STARD8: variants seen among roughly 807,000 people sequenced by gnomAD.
The protein encoded by STARD8 is StAR related lipid transfer domain containing 8, also known as stAR-related lipid transfer protein 8.
A neutral mutation model predicts 69.4 loss-of-function variants in STARD8; 25 were observed. The observed-to-expected ratio is 0.36, with a 90% CI of 0.26 to 0.50. The LOEUF is 0.50. Among genes scored for constraint, STARD8 ranks in the 20% least tolerant of loss-of-function variants. The pLI is 0.96. For synonymous variants in STARD8, 389 were observed against 374.6 expected (o/e 1.04, Z -0.45); for missense variants, 921 against 932.5 (o/e 0.99, Z 0.16).
intron 2 of STARD8, among the ~76,000 whole-genome samples, chrX:68,668,057 T>TTTTCTTTCTTTCTTTCTTTCTTTC (rs1200805148): frequency 2.8e-5 from 2 of 71,566 alleles, no homozygotes; most frequent in Non-Finnish European, 5.3e-5. Flanking sequence ...TCTCTCTTTC[T>TTTTCTTTCTTTCTTTCTTTCTTTC]TTTCTTTCTT....
intron 1 of STARD8, among the ~76,000 whole-genome samples, chrX:68,664,343 C>A (rs1029996482): frequency 8.9e-6 from 1 of 112,011 alleles, no homozygotes; most frequent in Non-Finnish European, 1.9e-5. Flanking sequence ...CCCACTTCCA[C>A]CCTGGCTCTA....
intron 2 of STARD8, among the ~76,000 whole-genome samples, chrX:68,700,822 AGTGCTGGG>A (rs1007197689): frequency 9.8e-5 from 11 of 112,479 alleles, no homozygotes; most frequent in Non-Finnish European, 5.6e-5. Context: ...TCATGTTCAC[AGTGCTGGG>A]AGACTTTGGG....
Position 68,723,755 on chromosome X carries a change from C to T in STARD8, c.2929C>T (p.Leu977=). The T allele has an allele frequency of 8.5e-7, 1 of 1,182,260 alleles. No homozygotes were observed. The highest frequency in any genetic ancestry group is 1.1e-6 in the Non-Finnish European group (1 of 880,504). Residue 977 remains leucine, a synonymous_variant, in exon 13 of 15, where the codon CTG becomes TTG. Transcript: ENST00000374599. ...TGAGGATCTGCTGCGGGCCCAGGTG[C>T]TGGAAGCCCTGATGCCGGGTGTGGA... is the stretch of plus-strand genomic sequence containing the variant. ...WDEDLLRAQV[L]EALMPGVELY...
At chrX:68,675,069 G>A (rs980195953) in intron 2 of STARD8, among the ~76,000 whole-genome samples, 13 of 108,414 alleles carry the variant, frequency 1.2e-4, no homozygotes, top group Non-Finnish European at 1.9e-4. Context: ...CGATTCTCCT[G>A]CCTCAGCCTC....
intron 9 of STARD8, 105 bp downstream of exon 9, chrX:68,721,227 T>C: frequency 5.4e-6 from 5 of 931,749 alleles, no homozygotes; most frequent in Non-Finnish European, 7.5e-6. Context: ...TAGCTGGACC[T>C]GTGAGCTGAT....
chrX:68,675,822 G>A (rs1025815575), intron 2 of STARD8, among the ~76,000 whole-genome samples: 2 of 111,632 alleles, frequency 1.8e-5, no homozygotes, highest in African/African-American at 6.5e-5. Flanking sequence ...TCCTTCTCAC[G>A]TCTGCCAATA....
chrX:68,653,525 C>T (rs956183667), intron 1 of STARD8, among the ~76,000 whole-genome samples: 1 of 32,930 alleles, frequency 3.0e-5, no homozygotes, highest in African/African-American at 1.2e-4. Context: ...ACACACACCA[C>T]ACACACCACA....
chrX:68,660,888 G>A (rs994745659), intron 1 of STARD8, among the ~76,000 whole-genome samples: 10 of 112,266 alleles, frequency 8.9e-5, no homozygotes, highest in Non-Finnish European at 1.5e-4. Flanking sequence ...ATAGGCCTGG[G>A]GGCGGTGAGA....
chrX:68,687,285 G>A (rs2079840039), intron 2 of STARD8, among the ~76,000 whole-genome samples: 2 of 109,697 alleles, frequency 1.8e-5, no homozygotes, highest in Non-Finnish European at 3.8e-5. Flanking sequence ...CCAAGGAATG[G>A]GTCTCTGAGG....
At chrX:68,705,657 G>A (rs1276509080) in intron 2 of STARD8, among the ~76,000 whole-genome samples, 2 of 112,600 alleles carry the variant, frequency 1.8e-5, no homozygotes, top group Non-Finnish European at 3.8e-5. Context: ...ATAAGGCAGA[G>A]GCCAACCCTC....
chrX:68,696,746 G>A (rs187882809), intron 2 of STARD8, among the ~76,000 whole-genome samples: 3 of 111,648 alleles, frequency 2.7e-5, no homozygotes, highest in African/African-American at 9.8e-5. Context: ...ACCATGTGCT[G>A]TATAAATTAT....
intron 2 of STARD8, among the ~76,000 whole-genome samples, chrX:68,673,572 TC>T (rs1387106713): frequency 8.9e-6 from 1 of 111,967 alleles, no homozygotes; most frequent in East Asian, 2.8e-4. Context: ...AAAACAACCT[TC>T]CAGAACCCCT....
intron 2 of STARD8, among the ~76,000 whole-genome samples, chrX:68,682,784 C>T (rs2079808828): frequency 8.9e-6 from 1 of 112,533 alleles, no homozygotes; most frequent in African/African-American, 3.2e-5. Context: ...ACATGTAACA[C>T]ATTTGGTGGG....
chrX:68,694,262 C>A (rs2079901910), intron 2 of STARD8, among the ~76,000 whole-genome samples: 1 of 112,696 alleles, frequency 8.9e-6, no homozygotes, highest in Admixed American at 9.3e-5. Flanking sequence ...TTCCAGGAAG[C>A]CCCCGTCCGG....
In STARD8 at chrX:68,648,684, A is replaced by G. The variant is rs755895450; in HGVS notation, c.45+757A>G. 5.3e-5 allele frequency among the ~76,000 whole-genome samples: 6 copies of G among 112,186 alleles called. No individual in the cohort carries two copies. In the South Asian group the frequency reaches 2.2e-3, roughly 42 times the overall value. ...GACAAATATTTACCAGGCACCTACT[A>G]TATGCCAGACATTGTGCTAAATAGT... On this transcript the variant is annotated intron_variant, in intron 1 of 14. Coordinates refer to ENST00000374599, the MANE Select transcript of STARD8 (RefSeq NM_001142503.3).
chrX:68,694,728 G>T (rs1317454363), intron 2 of STARD8, among the ~76,000 whole-genome samples: 3 of 111,699 alleles, frequency 2.7e-5, no homozygotes, highest in South Asian at 7.6e-4. Flanking sequence ...GCAGGTAAAA[G>T]GTTGTCTCTG....
At chrX:68,714,993 A>G (rs1410334153) in intron 3 of STARD8, among the ~76,000 whole-genome samples, 1 of 111,637 alleles carries the variant, frequency 9.0e-6, no homozygotes, top group Non-Finnish European at 1.9e-5. Context: ...TCAAAGGGGA[A>G]TGGGGGAGCC....
At chrX:68,704,415 G>C in intron 2 of STARD8, among the ~76,000 whole-genome samples, 1 of 111,575 alleles carries the variant, frequency 9.0e-6, no homozygotes, top group Non-Finnish European at 1.9e-5. Flanking sequence ...TTGTAGAGTA[G>C]GGGAGCGGCC....
intron 2 of STARD8, among the ~76,000 whole-genome samples, chrX:68,668,922 G>T (rs1398977473): frequency 8.9e-6 from 1 of 111,747 alleles, no homozygotes; most frequent in Non-Finnish European, 1.9e-5. Flanking sequence ...CTAATATGTA[G>T]TAAATTAAAT....
Sources: gnomAD v4.1 joint callset for allele counts (sites outside exome capture counted in the v4.1 genomes callset) on GRCh38, gnomAD v4.1.1 for gene constraint, MANE v1.5 for transcripts, NCBI Gene and HGNC (gene_info 2026-07-23, HGNC 2026-07-21) for gene names.